TLL2: variants seen among roughly 807,000 people sequenced by gnomAD.
TLL2 encodes tolloid like 2.
In TLL2, 106 loss-of-function variants were observed where a neutral mutation model predicts 123.0. The ratio of observed to expected loss-of-function variants is 0.86; its 90% CI spans 0.74 to 1.01. The LOEUF (loss-of-function observed/expected upper bound fraction) is 1.01, where lower values mean the gene tolerates loss of function less well. Ranked by LOEUF, TLL2 falls within the 50% of genes least tolerant of loss-of-function variation. The pLI is 0.00. For synonymous variants in TLL2, 494 were observed against 516.8 expected (o/e 0.96, Z 0.60); for missense variants, 1,332 against 1,336.7 (o/e 1.00, Z 0.06).
chr10:96,438,220 CTA>C (rs1329224380), intron 3 of TLL2, among the ~76,000 whole-genome samples: 1 of 152,186 alleles, frequency 6.6e-6, no homozygotes, highest in African/African-American at 2.4e-5. Flanking sequence ...CACCTCTACT[CTA>C]TGCATCTTCC....
At chr10:96,378,466 C>A (rs1178411117) in intron 17 of TLL2, among the ~76,000 whole-genome samples, 6 of 152,206 alleles carry the variant, frequency 3.9e-5, no homozygotes, top group African/African-American at 1.4e-4. Flanking sequence ...TCCAATGGGA[C>A]CTGCATATGG....
At position 96,365,912 on chromosome 10, in the gene TLL2, AC is replaced by A. The variant is rs1277774002; in HGVS notation, c.*2175del. On this transcript the variant is annotated 3_prime_UTR_variant, in exon 21 of 21. Transcript: ENST00000357947. ...GCTGTGTGTTTTTGAAAATGTTCAT[AC>A]TAAAGAGATAAAAAGAAGTATCATT... 2.0e-5 allele frequency: 3 copies of A among 152,240 alleles called. No individual in the cohort carries two copies. Among genetic ancestry groups the A allele is most frequent in the Admixed American group, 2.0e-4 (3 of 15,286 alleles). The allele number at this position is 152,240 out of a possible 1,614,324, so 9.4% of individuals were successfully genotyped here. A position where few individuals can be genotyped will look rare whatever the true frequency, so the allele number is the denominator to read the frequency against.
intron 13 of TLL2, among the ~76,000 whole-genome samples, chr10:96,393,937 C>A (rs1846313599): frequency 6.6e-6 from 1 of 152,132 alleles, no homozygotes; most frequent in African/African-American, 2.4e-5. Context: ...TGGGGCTTCA[C>A]AACAATTGCT....
At chr10:96,424,352 G>C (rs979653547) in intron 5 of TLL2, among the ~76,000 whole-genome samples, 1 of 152,148 alleles carries the variant, frequency 6.6e-6, no homozygotes. Flanking sequence ...AATGCTTGAG[G>C]GGAGGGATAC....
chr10:96,420,637 C>T (rs1252082847), intron 7 of TLL2, among the ~76,000 whole-genome samples: 1 of 152,198 alleles, frequency 6.6e-6, no homozygotes, highest in Non-Finnish European at 1.5e-5. Context: ...AAAGACTCCC[C>T]CCACCCACTG....
chr10:96,391,010 T>C (rs1304630538), intron 13 of TLL2, among the ~76,000 whole-genome samples: 1 of 152,246 alleles, frequency 6.6e-6, no homozygotes, highest in African/African-American at 2.4e-5. Flanking sequence ...TGGTTTCTCC[T>C]TTTTTGTAAG....
intron 1 of TLL2, among the ~76,000 whole-genome samples, chr10:96,497,109 T>C (rs1401099810): frequency 1.3e-5 from 2 of 151,266 alleles, no homozygotes; most frequent in African/African-American, 2.4e-5. Context: ...AGCGAAACCC[T>C]GTCTCTGCTA....
At chr10:96,471,136 G>A (rs1847178459) in intron 2 of TLL2, among the ~76,000 whole-genome samples, 1 of 151,018 alleles carries the variant, frequency 6.6e-6, no homozygotes, top group Non-Finnish European at 1.5e-5. Context: ...GAGTAGCTGG[G>A]ATTACAGGTG....
intron 5 of TLL2, among the ~76,000 whole-genome samples, chr10:96,425,800 T>C (rs1027485453): frequency 5.9e-5 from 9 of 152,078 alleles, no homozygotes; most frequent in African/African-American, 2.2e-4. Context: ...AGTGCAAACA[T>C]TGCCTTGTTC....
intron 1 of TLL2, among the ~76,000 whole-genome samples, chr10:96,494,354 A>G (rs774666225): frequency 1.2e-4 from 18 of 151,960 alleles, no homozygotes; most frequent in Non-Finnish European, 2.1e-4. Flanking sequence ...TATCCCCAAG[A>G]CTCTGTTCCC....
At chr10:96,446,633 G>C (rs1214615067) in intron 2 of TLL2, among the ~76,000 whole-genome samples, 2 of 152,122 alleles carry the variant, frequency 1.3e-5, no homozygotes, top group Non-Finnish European at 2.9e-5. Flanking sequence ...TTGTTACCCT[G>C]TGCACTCTCT....
At chr10:96,493,750 C>G (rs759859225) in intron 1 of TLL2, among the ~76,000 whole-genome samples, 8 of 152,282 alleles carry the variant, frequency 5.3e-5, no homozygotes, top group Non-Finnish European at 1.2e-4. Flanking sequence ...AAACACCCCC[C>G]ACACCCAAAA....
chr10:96,509,893 G>A (rs888462683), intron 1 of TLL2, among the ~76,000 whole-genome samples: 1 of 152,228 alleles, frequency 6.6e-6, no homozygotes, highest in Non-Finnish European at 1.5e-5. Context: ...CTTGCAGTGA[G>A]CCGAGATCAG....
intron 2 of TLL2, among the ~76,000 whole-genome samples, chr10:96,476,502 T>C (rs1015930819): frequency 6.6e-6 from 1 of 151,556 alleles, no homozygotes; most frequent in Non-Finnish European, 1.5e-5. Context: ...CCTCAAGTGA[T>C]CCGCCTGCCT....
chr10:96,399,590 A>G (rs1165636914), intron 10 of TLL2, among the ~76,000 whole-genome samples: 1 of 152,270 alleles, frequency 6.6e-6, no homozygotes, highest in Non-Finnish European at 1.5e-5. Flanking sequence ...AAAATCCACC[A>G]GAAGCCTTTA....
chr10:96,440,950 A>T (rs1846844718), intron 3 of TLL2, among the ~76,000 whole-genome samples: 1 of 152,154 alleles, frequency 6.6e-6, no homozygotes. Flanking sequence ...AAATAGAAGG[A>T]TGTAATTATT....
intron 1 of TLL2, among the ~76,000 whole-genome samples, chr10:96,493,170 G>A (rs1847433144): frequency 6.6e-6 from 1 of 152,136 alleles, no homozygotes; most frequent in South Asian, 2.1e-4. Flanking sequence ...CATACCCAGT[G>A]TCAGGTGAGG....
chr10:96,369,711 A>G (rs1400091298), intron 20 of TLL2, among the ~76,000 whole-genome samples: 1 of 149,274 alleles, frequency 6.7e-6, no homozygotes, highest in Non-Finnish European at 1.5e-5. Context: ...CAGTGAGCCG[A>G]GATCCAGCCT....
rs1846007413 is a variant in TLL2, at chr10:96,364,687, G to A, written c.*3401C>T. 2 of 152,566 alleles carry A rather than the reference G, an allele frequency of 1.3e-5. No individual in the cohort carries two copies. Among genetic ancestry groups the A allele is most frequent in the South Asian group, 2.1e-4 (1 of 4,832 alleles). The allele number at this position is 152,566 out of a possible 1,614,324, so 9.5% of individuals were successfully genotyped here. A position where few individuals can be genotyped will look rare whatever the true frequency, so the allele number is the denominator to read the frequency against. On this transcript the variant is annotated 3_prime_UTR_variant, in exon 21 of 21. Transcript: ENST00000357947. ...TCCTCTCCACTTTCTCTTTGAAACT[G>A]ACATCATTTCATGAAATGTAAAATT...
Sources: gnomAD v4.1 joint callset for allele counts (sites outside exome capture counted in the v4.1 genomes callset) on GRCh38, gnomAD v4.1.1 for gene constraint, MANE v1.5 for transcripts, NCBI Gene and HGNC (gene_info 2026-07-23, HGNC 2026-07-21) for gene names.